Variants in LPCAT2 observed in about 807,000 individuals in gnomAD.
LPCAT2 encodes the protein 1-AGP acyltransferase 11.
A neutral mutation model predicts 64.7 loss-of-function variants in LPCAT2; 58 were observed. That is an observed-to-expected ratio of 0.90 (90% CI 0.73 to 1.12). LPCAT2 has a LOEUF of 1.12. Ranked by LOEUF, LPCAT2 falls within the 50% of genes most tolerant of loss-of-function variation. The pLI, the probability that LPCAT2 is intolerant of heterozygous loss-of-function variation, is 0.00. For synonymous variants in LPCAT2, 252 were observed against 245.3 expected (o/e 1.03, Z -0.26); for missense variants, 579 against 669.8 (o/e 0.86, Z 1.50).
chr16:55,509,327 A>T lies in LPCAT2; in HGVS notation c.146A>T (p.Gln49Leu), dbSNP rs780890418. 8 of 1,463,728 alleles carry T rather than the reference A, an allele frequency of 5.5e-6. No homozygotes were observed. The East Asian group carries it at 2.2e-4, about 40-fold the overall frequency. The allele number at this position is 1,463,728 out of a possible 1,614,324, so 90.7% of individuals were successfully genotyped here. ...CCGAACCCCTTCGTGCAGCAGACGC[A>T]GATCGGCTCCGCGAGGCGGGTCCAG... Reference protein sequence around the residue: ...PVPNPFVQQTQIGSARRVQIV... With the variant: ...PVPNPFVQQTLIGSARRVQIV... The change falls in exon 1 of 14, where the codon CAG (glutamine) becomes CTG (leucine). Residue 49 changes from glutamine to leucine, a missense_variant. By Grantham distance (113) the Gln-to-Leu change is moderately radical. Coordinates refer to ENST00000262134, the MANE Select transcript of LPCAT2 (RefSeq NM_017839.5).
intron 11 of LPCAT2, chr16:55,567,018 C>T (rs1439168496): frequency 6.2e-7 from 1 of 1,613,780 alleles, no homozygotes; most frequent in Non-Finnish European, 8.5e-7. Context: ...ATTTACACAG[C>T]TGGCTGGACC....
chr16:55,545,990 T>G (rs1385206007), intron 9 of LPCAT2, among the ~76,000 whole-genome samples, 173 bp downstream of exon 9: 2 of 152,106 alleles, frequency 1.3e-5, no homozygotes, highest in Non-Finnish European at 2.9e-5. Context: ...TCTATAAGTA[T>G]TTTCCCCAGC....
intron 11 of LPCAT2, among the ~76,000 whole-genome samples, chr16:55,559,073 AGAGT>A (rs1232178697): frequency 1.3e-5 from 2 of 152,170 alleles, no homozygotes; most frequent in Non-Finnish European, 2.9e-5. Flanking sequence ...TGAAAGGAAA[AGAGT>A]GAGGAAATTG....
intron 3 of LPCAT2, among the ~76,000 whole-genome samples, chr16:55,529,299 T>G (rs1197833473): frequency 6.6e-6 from 1 of 151,760 alleles, no homozygotes; most frequent in African/African-American, 2.4e-5. Context: ...GTCATTCAGC[T>G]AAGACATTTT....
At chr16:55,573,394 G>GTTTTTTTTTTTTTT (rs71379092) in intron 11 of LPCAT2, among the ~76,000 whole-genome samples, 1 of 147,570 alleles carries the variant, frequency 6.8e-6, no homozygotes, top group Non-Finnish European at 1.5e-5. Context: ...TTGTTTTTTT[G>GTTTTTTTTTTTTTT]TTTTTTTTTT....
intron 8 of LPCAT2, among the ~76,000 whole-genome samples, chr16:55,542,251 G>T (rs1351014130): frequency 6.6e-6 from 1 of 152,108 alleles, no homozygotes; most frequent in Non-Finnish European, 1.5e-5. Context: ...CAAATGAGAT[G>T]TTAACCTGAG....
Position 55,572,798 on chromosome 16 carries a change from A to C in LPCAT2, c.1216-1833A>C, listed in dbSNP as rs142467900. Among the ~76,000 whole-genome samples, 6 of 152,274 alleles carry C rather than the reference A, an allele frequency of 3.9e-5. No individual in the cohort carries two copies. In the East Asian group the frequency reaches 5.8e-4, roughly 15 times the overall value. ...GGTCATGCCTATGGATAGCCACTGC[A>C]CTCCGGCCTGGGCAAGAGAGTAAGA... On this transcript the variant is annotated intron_variant, in intron 11 of 13. Coordinates refer to ENST00000262134, the MANE Select transcript of LPCAT2 (RefSeq NM_017839.5).
chr16:55,533,406 G>GTTT lies in LPCAT2; in HGVS notation c.762+544_762+546dup, dbSNP rs11335464. The stretch of plus-strand genomic sequence containing the variant: ...CTTAACATCTTTTTTTGTTTTTCGG[G>GTTT]TTTTTTTTTTTTTTTTTTTTTTGAG... On this transcript the variant is annotated intron_variant, in intron 6 of 13. Coordinates refer to ENST00000262134, the MANE Select transcript of LPCAT2 (RefSeq NM_017839.5). Among the ~76,000 whole-genome samples the GTTT allele has an allele frequency of 2.3e-3, 222 of 96,434 alleles. 5 individuals are homozygous for GTTT. Among genetic ancestry groups the GTTT allele is most frequent in the South Asian group, 0.019 (51 of 2,630 alleles). The allele number at this position is 96,434 out of a possible 152,430, so 63.3% of individuals were successfully genotyped here. A position where few individuals can be genotyped will look rare whatever the true frequency, so the allele number is the denominator to read the frequency against.
In LPCAT2 at chr16:55,509,275, C is replaced by T; in HGVS notation, c.94C>T (p.Gln32Ter). 6.6e-7 allele frequency: 1 copy of T among 1,513,588 alleles called. No homozygotes were observed. Among genetic ancestry groups the T allele is most frequent in the Non-Finnish European group, 8.9e-7 (1 of 1,123,918 alleles). The allele number at this position is 1,513,588 out of a possible 1,614,324, so 93.8% of individuals were successfully genotyped here. A position where few individuals can be genotyped will look rare whatever the true frequency, so the allele number is the denominator to read the frequency against. The change falls in exon 1 of 14, where the codon CAG (glutamine) becomes TAG (stop). Residue 32 changes from glutamine (Q) to a stop codon, truncating the protein, a stop_gained. Coordinates refer to ENST00000262134, the MANE Select transcript of LPCAT2 (RefSeq NM_017839.5). LOFTEE classifies it high-confidence loss of function. The stretch of plus-strand genomic sequence containing the variant: ...GCTGCGGCCGCCCATGGTGCCCCGT[C>T]AGGCGTCCTTCTTCCCGCCGCCGGT... ...VGLRPPMVPR[Q>*]ASFFPPPVPN...
chr16:55,546,964 T>C (rs1343517970), intron 9 of LPCAT2, among the ~76,000 whole-genome samples: 4 of 152,156 alleles, frequency 2.6e-5, no homozygotes, highest in African/African-American at 9.6e-5. Flanking sequence ...CTGGCCAACA[T>C]GGTGAAACCC....
rs749965780 is a variant in LPCAT2 at position 55,545,793 on chromosome 16, A to G, written c.911A>G (p.Asn304Ser). The G allele has an allele frequency of 2.1e-5, 34 of 1,612,102 alleles. No individual in the cohort carries two copies. The highest frequency in any genetic ancestry group is 1.7e-4 in the Middle Eastern group (1 of 6,036). The change falls in exon 9 of 14, where the codon AAT becomes AGT. Residue 304 changes from asparagine (N) to serine (S), a missense_variant. Coordinates refer to ENST00000262134, the MANE Select transcript of LPCAT2 (RefSeq NM_017839.5). ...EEKNDPVLFA[N>S]KVRNLMAEAL... ...AAAAATGATCCTGTCCTTTTTGCCA[A>G]TAAAGTCCGGAATTTAATGGCAGAG...
chr16:55,553,046 ACAGT>A (rs1390326083), intron 11 of LPCAT2, among the ~76,000 whole-genome samples: 13 of 18,386 alleles, frequency 7.1e-4, no homozygotes, highest in African/African-American at 6.9e-4. Context: ...GAACAGCTTG[ACAGT>A]TGAACAGGTG....
At chr16:55,582,082 A>AT (rs1217437743) in intron 13 of LPCAT2, among the ~76,000 whole-genome samples, 3 of 152,204 alleles carry the variant, frequency 2.0e-5, no homozygotes, top group Non-Finnish European at 4.4e-5. Flanking sequence ...GGGTAATATA[A>AT]TTTTTTAAAC....
intron 4 of LPCAT2, among the ~76,000 whole-genome samples, chr16:55,531,335 A>G (rs547537975): frequency 3.2e-4 from 48 of 152,286 alleles, no homozygotes; most frequent in African/African-American, 9.6e-4. Context: ...AACGTACTGC[A>G]TATCTTTTAC....
At chr16:55,546,441 A>G (rs1963454462) in intron 9 of LPCAT2, among the ~76,000 whole-genome samples, 1 of 152,120 alleles carries the variant, frequency 6.6e-6, no homozygotes, top group Admixed American at 6.6e-5. Flanking sequence ...TCCTCTTCCC[A>G]CACACCACCT....
At chr16:55,541,926 G>C in intron 8 of LPCAT2, 4 of 1,279,338 alleles carry the variant, frequency 3.1e-6, no homozygotes, top group Non-Finnish European at 4.1e-6. Context: ...AGATTTAAAA[G>C]AAGAATTACA....
intron 1 of LPCAT2, among the ~76,000 whole-genome samples, chr16:55,514,125 A>G (rs1046423311): frequency 6.6e-6 from 1 of 152,194 alleles, no homozygotes; most frequent in African/African-American, 2.4e-5. Flanking sequence ...ACAGTAGGCT[A>G]GCCAAAAACC....
chr16:55,538,895 A>T (rs1414315248), intron 8 of LPCAT2: 1 of 152,114 alleles, frequency 6.6e-6, no homozygotes, highest in African/African-American at 2.4e-5. Context: ...TCTATAGAAT[A>T]CACTTCAGGA....
chr16:55,532,980 TA>T, intron 6 of LPCAT2, 98 bp downstream of exon 6: 2 of 991,316 alleles, frequency 2.0e-6, no homozygotes, highest in Non-Finnish European at 3.0e-6. Flanking sequence ...TGTGAACAGA[TA>T]AATGGTGGAA....
Sources: allele counts gnomAD v4.1 joint callset (sites outside exome capture counted in the v4.1 genomes callset), GRCh38; gene constraint gnomAD v4.1.1; transcripts MANE v1.5; gene names NCBI Gene and HGNC (gene_info 2026-07-23, HGNC 2026-07-21).